Variants in GALNT14 observed in about 807,000 individuals in gnomAD.
GALNT14 encodes the protein UDP-GalNAc:polypeptide N-acetylgalactosaminyltransferase 14.
GALNT14 carries 60 observed loss-of-function variants against 77.5 expected under a neutral mutation model. That is an observed-to-expected ratio of 0.77 (90% CI 0.63 to 0.96). The LOEUF (loss-of-function observed/expected upper bound fraction) is 0.96, where lower values mean the gene tolerates loss of function less well. Among genes scored for constraint, GALNT14 ranks in the 40% least tolerant of loss-of-function variants. The pLI is 0.00. For synonymous variants in GALNT14, 280 were observed against 281.7 expected (o/e 0.99, Z 0.06); for missense variants, 710 against 731.0 (o/e 0.97, Z 0.33).
intron 1 of GALNT14, among the ~76,000 whole-genome samples, chr2:31,024,478 C>A (rs1208540582): frequency 6.6e-6 from 1 of 152,178 alleles, no homozygotes; most frequent in Non-Finnish European, 1.5e-5. Flanking sequence ...CCTCCCCAGG[C>A]CAGCCGAGCT....
intron 11 of GALNT14, among the ~76,000 whole-genome samples, chr2:30,928,999 C>T (rs535157155): frequency 6.6e-6 from 1 of 152,346 alleles, no homozygotes; most frequent in Non-Finnish European, 1.5e-5. Context: ...CACATCTATA[C>T]ACATGCTGTT....
At chr2:30,929,649 C>T (rs1482709550) in intron 10 of GALNT14, among the ~76,000 whole-genome samples, 162 bp from the exon 11 acceptor site, 2 of 152,160 alleles carry the variant, frequency 1.3e-5, no homozygotes, top group African/African-American at 4.8e-5. Context: ...GGCACTGAGC[C>T]CAGCCAAGCC....
chr2:31,045,908 C>A lies in GALNT14; in HGVS notation c.130-52901G>T, dbSNP rs914270078. Among the ~76,000 whole-genome samples, 5 of 152,278 alleles carry A rather than the reference C, an allele frequency of 3.3e-5. No individual in the cohort carries two copies. In the East Asian group the frequency reaches 9.6e-4, roughly 29 times the overall value. On this transcript the variant is annotated intron_variant, in intron 1 of 14. Coordinates refer to ENST00000349752, the MANE Select transcript of GALNT14 (RefSeq NM_024572.4). Reference sequence around the variant, plus strand: ...GCTCTTAAGTTCCTACTCTTTTTCACCTGTATCTCTTATTCTATACTATCA... The same window carrying A: ...GCTCTTAAGTTCCTACTCTTTTTCAACTGTATCTCTTATTCTATACTATCA...
intron 1 of GALNT14, among the ~76,000 whole-genome samples, chr2:31,091,432 C>A (rs1385668106): frequency 6.6e-6 from 1 of 152,148 alleles, no homozygotes; most frequent in Non-Finnish European, 1.5e-5. Flanking sequence ...CAAATATTTA[C>A]TAATTAGTTT....
chr2:30,890,453 G>A, the GALNT14 span, among the ~76,000 whole-genome samples: 1 of 152,030 alleles, frequency 6.6e-6, no homozygotes, highest in East Asian at 1.9e-4. Flanking sequence ...TCCCTTGTAG[G>A]GTTGTTGAAA....
intron 2 of GALNT14, among the ~76,000 whole-genome samples, chr2:30,989,694 T>C (rs1669568192): frequency 7.9e-6 from 1 of 125,904 alleles, no homozygotes; most frequent in Non-Finnish European, 1.6e-5. Context: ...TATATATTAG[T>C]ATATATATAA....
chr2:30,932,192 T>G lies in GALNT14; in HGVS notation c.934A>C (p.Ile312Leu), dbSNP rs1441972360. 2 of 1,503,026 alleles carry G rather than the reference T, an allele frequency of 1.3e-6. No individual in the cohort carries two copies. Among genetic ancestry groups the G allele is most frequent in the Non-Finnish European group, 1.8e-6 (2 of 1,124,046 alleles). The allele number at this position is 1,503,026 out of a possible 1,614,324, so 93.1% of individuals were successfully genotyped here. ...MDIWGGENFE[I>L]SFRVWMCGGS... ...CCGCACATCCACACTCGGAAGGAGA[T>G]TTCTGCAAGACAGTCACGCCCCTCC... Residue 312 changes from isoleucine (I) to leucine (L), a missense_variant and splice_region_variant, in exon 10 of 15, where the codon ATC (isoleucine) becomes CTC (leucine). Coordinates refer to ENST00000349752, the MANE Select transcript of GALNT14 (RefSeq NM_024572.4).
At chr2:30,947,071 G>A (rs1363530383) in intron 6 of GALNT14, among the ~76,000 whole-genome samples, 2 of 152,088 alleles carry the variant, frequency 1.3e-5, no homozygotes, top group Non-Finnish European at 2.9e-5. Flanking sequence ...ACCAAATCCT[G>A]CTGGTTCTAA....
intron 1 of GALNT14, among the ~76,000 whole-genome samples, chr2:31,074,974 A>C (rs1675666286): frequency 6.6e-6 from 1 of 152,154 alleles, no homozygotes; most frequent in South Asian, 2.1e-4. Flanking sequence ...TCCCCTCCAA[A>C]TCTCATGTTG....
At chr2:31,079,130 G>A in intron 1 of GALNT14, 1 of 1,112,460 alleles carries the variant, frequency 9.0e-7, no homozygotes, top group South Asian at 1.6e-5. Flanking sequence ...CACACCTTTG[G>A]GACACCAGCT....
chr2:30,946,877 C>T (rs6761033), intron 6 of GALNT14, among the ~76,000 whole-genome samples: 61,714 of 151,942 alleles, frequency 0.41, 13,219 homozygotes, highest in African/African-American at 0.54. Flanking sequence ...GCTTCCAGAC[C>T]CAGATATAAT....
At chr2:30,902,447 C>T in the GALNT14 span, among the ~76,000 whole-genome samples, 2 of 152,172 alleles carry the variant, frequency 1.3e-5, no homozygotes, top group Admixed American at 1.3e-4. Flanking sequence ...CTACCCTCCA[C>T]ATCCTTTAAG....
At chr2:30,971,839 G>A (rs1668374824) in intron 2 of GALNT14, among the ~76,000 whole-genome samples, 1 of 152,066 alleles carries the variant, frequency 6.6e-6, no homozygotes, top group South Asian at 2.1e-4. Context: ...TGGCAGTCAT[G>A]TCATGATGCG....
At chr2:31,122,636 G>T (rs563157569) in intron 1 of GALNT14, among the ~76,000 whole-genome samples, 1 of 152,152 alleles carries the variant, frequency 6.6e-6, no homozygotes, top group South Asian at 2.1e-4. Flanking sequence ...AACCCTTCTG[G>T]CCCATGAGCC....
chr2:31,008,197 G>A (rs995583988), intron 1 of GALNT14, among the ~76,000 whole-genome samples: 4 of 152,050 alleles, frequency 2.6e-5, no homozygotes, highest in African/African-American at 7.2e-5. Flanking sequence ...CAATCCTCCC[G>A]ACTCAGCCTC....
chr2:31,089,928 C>T (rs1314572877), intron 1 of GALNT14, among the ~76,000 whole-genome samples: 1 of 152,190 alleles, frequency 6.6e-6, no homozygotes, highest in Admixed American at 6.5e-5. Context: ...CTCAGTCTGA[C>T]AGTTTCACAA....
At chr2:31,076,630 T>TATATATATATA (rs1553373510) in intron 1 of GALNT14, among the ~76,000 whole-genome samples, 25 of 87,234 alleles carry the variant, frequency 2.9e-4, no homozygotes, top group South Asian at 1.0e-3. Flanking sequence ...TATATATATA[T>TATATATATATA]TTTTTTTTTT....
At chr2:30,895,748 G>A in the GALNT14 span, among the ~76,000 whole-genome samples, 1 of 151,886 alleles carries the variant, frequency 6.6e-6, no homozygotes, top group Non-Finnish European at 1.5e-5. Context: ...GGATAGCAGC[G>A]ATCCCACCAA....
chr2:30,942,141 C>T (rs927274065), intron 9 of GALNT14, 60 bp downstream of exon 9: 21 of 1,260,542 alleles, frequency 1.7e-5, no homozygotes, highest in African/African-American at 1.5e-4. Flanking sequence ...CAGAGGTCCC[C>T]GCCCCAATCC....
Sources: allele counts gnomAD v4.1 joint callset (sites outside exome capture counted in the v4.1 genomes callset), GRCh38; gene constraint gnomAD v4.1.1; transcripts MANE v1.5; gene names NCBI Gene and HGNC (gene_info 2026-07-23, HGNC 2026-07-21).